TOX2: variants seen among roughly 807,000 people sequenced by gnomAD.
TOX2 encodes granulosa cell HMG box 1.
TOX2 carries 15 observed loss-of-function variants against 47.4 expected under a neutral mutation model. The observed-to-expected ratio is 0.32, with a 90% CI of 0.21 to 0.49. The LOEUF is 0.49. Among genes scored for constraint, TOX2 ranks in the 20% least tolerant of loss-of-function variants. The pLI, the probability that TOX2 is intolerant of heterozygous loss-of-function variation, is 0.99. For missense variants in TOX2, 622 were observed against 673.1 expected (o/e 0.92, Z 0.84); for synonymous variants, 290 against 296.6 (o/e 0.98, Z 0.23).
chr20:43,933,480 A>G (rs532791745), intron 1 of TOX2, among the ~76,000 whole-genome samples: 1 of 152,286 alleles, frequency 6.6e-6, no homozygotes, highest in South Asian at 2.1e-4. Flanking sequence ...CATTTCTAAC[A>G]AGGGCTAGAT....
intron 1 of TOX2, among the ~76,000 whole-genome samples, chr20:43,939,779 G>T (rs533218488): frequency 4.6e-5 from 7 of 152,170 alleles, no homozygotes; most frequent in Non-Finnish European, 1.0e-4. Flanking sequence ...TTGCTAGATT[G>T]TCTAAGGATT....
At chr20:43,947,283 A>G (rs1425754229) in intron 1 of TOX2, among the ~76,000 whole-genome samples, 1 of 152,232 alleles carries the variant, frequency 6.6e-6, no homozygotes, top group East Asian at 1.9e-4. Flanking sequence ...ACTGATGCCT[A>G]CTTTCTTGTG....
chr20:44,051,000 CA>C (rs532558290), intron 3 of TOX2, among the ~76,000 whole-genome samples: 178 of 152,312 alleles, frequency 1.2e-3, no homozygotes, highest in African/African-American at 4.1e-3. Context: ...TCGGTCTCAT[CA>C]AATGATCCAA....
intron 2 of TOX2, among the ~76,000 whole-genome samples, chr20:43,973,768 G>T (rs2070021874): frequency 6.6e-6 from 1 of 152,200 alleles, no homozygotes; most frequent in African/African-American, 2.4e-5. Flanking sequence ...CCTGCCTCTT[G>T]CCACCACACA....
At chr20:43,948,127 G>A (rs1159051305) in intron 1 of TOX2, among the ~76,000 whole-genome samples, 2 of 152,192 alleles carry the variant, frequency 1.3e-5, no homozygotes. Flanking sequence ...TAAATAACGT[G>A]TTCTCCTGGG....
At chr20:43,966,797 G>T (rs938247501) in intron 1 of TOX2, among the ~76,000 whole-genome samples, 1 of 151,664 alleles carries the variant, frequency 6.6e-6, no homozygotes, top group Non-Finnish European at 1.5e-5. Context: ...CTCCCACTAT[G>T]CTGAGGACCC....
At chr20:43,970,511 T>A (rs1024466530) in intron 1 of TOX2, among the ~76,000 whole-genome samples, 2 of 151,410 alleles carry the variant, frequency 1.3e-5, no homozygotes, top group Non-Finnish European at 2.9e-5. Context: ...TGCATATTCC[T>A]ATACCATACT....
At chr20:43,941,966 A>G (rs2069409536) in intron 1 of TOX2, among the ~76,000 whole-genome samples, 1 of 152,234 alleles carries the variant, frequency 6.6e-6, no homozygotes, top group Non-Finnish European at 1.5e-5. Flanking sequence ...GACAAAGCTT[A>G]TAATGATTCA....
chr20:43,990,811 A>G (rs1422095207), intron 2 of TOX2, among the ~76,000 whole-genome samples: 1 of 152,166 alleles, frequency 6.6e-6, no homozygotes, highest in Non-Finnish European at 1.5e-5. Flanking sequence ...GACCATTCTC[A>G]GAGAACTTAA....
At chr20:43,986,138 C>T (rs2070259319) in intron 2 of TOX2, among the ~76,000 whole-genome samples, 1 of 152,124 alleles carries the variant, frequency 6.6e-6, no homozygotes, top group Non-Finnish European at 1.5e-5. Context: ...AGTGGTTATA[C>T]TTGTGCCATG....
intron 1 of TOX2, among the ~76,000 whole-genome samples, chr20:43,917,518 G>A (rs1483541297): frequency 6.6e-6 from 1 of 152,194 alleles, no homozygotes; most frequent in Non-Finnish European, 1.5e-5. Context: ...TGCACAGGGA[G>A]CCAGGCTTTA....
chr20:43,935,308 G>A (rs538021744), intron 1 of TOX2, among the ~76,000 whole-genome samples: 103 of 152,260 alleles, frequency 6.8e-4, no homozygotes, highest in African/African-American at 2.2e-3. Flanking sequence ...CCTCTCCTGC[G>A]TAGGATGTTA....
intron 3 of TOX2, among the ~76,000 whole-genome samples, chr20:44,044,929 G>A (rs2071390770): frequency 6.6e-6 from 1 of 152,184 alleles, no homozygotes; most frequent in Non-Finnish European, 1.5e-5. Context: ...GTATTGCTCA[G>A]CCTTAAAAAG....
chr20:43,964,605 G>A (rs909520190), intron 1 of TOX2, among the ~76,000 whole-genome samples: 9 of 152,218 alleles, frequency 5.9e-5, no homozygotes, highest in African/African-American at 2.2e-4. Flanking sequence ...TCTGTGCAGA[G>A]GGGAGGAGCA....
rs144413025 is a variant in TOX2, at chr20:44,026,790, C to T, written c.411+19998C>T. 5.4e-3 allele frequency among the ~76,000 whole-genome samples: 822 copies of T among 152,228 alleles called. 3 individuals are homozygous for T. The highest frequency in any genetic ancestry group is 0.034 in the Middle Eastern group (10 of 294). ...TCTGTGCCTCAGGTCCACTGTGTGA[C>T]CTCAGGGCTGGTTCTGACCCTCTCT... On this transcript the variant is annotated intron_variant, in intron 3 of 8. Coordinates refer to ENST00000341197, the MANE Select transcript of TOX2 (RefSeq NM_001098797.2).
At chr20:43,984,298 T>C (rs912683164) in intron 2 of TOX2, among the ~76,000 whole-genome samples, 1 of 152,250 alleles carries the variant, frequency 6.6e-6, no homozygotes, top group South Asian at 2.1e-4. Context: ...CCATAGATTT[T>C]GTTCAAATCT....
chr20:43,926,386 G>A (rs2010414), intron 1 of TOX2, among the ~76,000 whole-genome samples: 29,691 of 152,036 alleles, frequency 0.2, 3,850 homozygotes, highest in African/African-American at 0.36. Context: ...GCCTGGGTTC[G>A]TATCCTGACA....
intron 1 of TOX2, 39 bp from the exon 2 acceptor site, chr20:43,973,328 T>A: frequency 6.2e-7 from 1 of 1,606,842 alleles, no homozygotes; most frequent in East Asian, 2.2e-5. Context: ...CCTGAGAGCA[T>A]TTTAATCAGA....
At chr20:44,055,656 A>G (rs2071604081) in intron 5 of TOX2, among the ~76,000 whole-genome samples, 1 of 152,186 alleles carries the variant, frequency 6.6e-6, no homozygotes, top group Non-Finnish European at 1.5e-5. Context: ...GAACGGCAGC[A>G]TAAGGCAGGT....
Sources: gnomAD v4.1 joint callset for allele counts (sites outside exome capture counted in the v4.1 genomes callset) on GRCh38, gnomAD v4.1.1 for gene constraint, MANE v1.5 for transcripts, NCBI Gene and HGNC (gene_info 2026-07-23, HGNC 2026-07-21) for gene names.